The following NXT2 variants were observed in gnomAD, a reference collection of about 807,000 sequenced individuals.
NXT2 encodes nuclear transport factor 2 like export factor 2.
NXT2 carries 1 observed loss-of-function variant against 9.6 expected under a neutral mutation model. That is an observed-to-expected ratio of 0.10 (90% confidence interval 0.04 to 0.49). The LOEUF is 0.49. NXT2 is among the 20% of genes least tolerant of loss of function. NXT2 has a pLI of 0.95. For missense variants in NXT2, 48 were observed against 100.3 expected (o/e 0.48, Z 2.23); for synonymous variants, 22 against 35.4 (o/e 0.62, Z 1.34).
At position 109,538,075 on chromosome X, in the gene NXT2, A is replaced by G; in HGVS notation, c.46A>G (p.Arg16Gly). The change falls in exon 2 of 4, where the codon AGA becomes GGA. Residue 16 changes from arginine to glycine, a missense_variant. Physicochemically the swap from Arg to Gly is moderately radical, Grantham distance 125. Transcript: ENST00000372106. ...DFKTYVDQAC[R>G]AAEEFVNIYY... is the part of the protein sequence containing the mutation. ...TAAAACTTATGTAGATCAGGCATGT[A>G]GAGCTGCTGAGGAGTTTGTCAATAT... is the stretch of plus-strand genomic sequence containing the variant. 7.5e-6 allele frequency: 9 copies of G among 1,201,227 alleles called. No homozygotes were observed. Among genetic ancestry groups the G allele is most frequent in the Non-Finnish European group, 9.0e-6 (8 of 886,176 alleles).
intron 1 of NXT2, 74 bp from the exon 2 acceptor site, chrX:109,537,971 C>A (rs1281021799): frequency 3.7e-5 from 23 of 618,837 alleles, no homozygotes; most frequent in Non-Finnish European, 5.9e-5. Flanking sequence ...AAATCATCAG[C>A]TTCTGTCAGT....
chrX:109,536,633 C>T (rs1419074657), upstream of NXT2: 1 of 241,521 alleles, frequency 4.1e-6, no homozygotes, highest in Non-Finnish European at 7.1e-6. Context: ...AAAAAAGTCC[C>T]TGTAATTGAA....
upstream of NXT2, chrX:109,536,708 T>G (rs1933281296): frequency 2.3e-5 from 12 of 518,780 alleles, no homozygotes; most frequent in Non-Finnish European, 3.1e-5. Flanking sequence ...CTGTTGAGTA[T>G]CATGTTTACA....
At chrX:109,538,752 C>T (rs1933345448) in intron 2 of NXT2, among the ~76,000 whole-genome samples, 1 of 111,356 alleles carries the variant, frequency 9.0e-6, no homozygotes, top group African/African-American at 3.3e-5. Context: ...TGAGTCTTGC[C>T]TAGGTCTCTT....
At chrX:109,536,470 G>A (rs1399546526), upstream of NXT2, among the ~76,000 whole-genome samples, 1 of 112,606 alleles carries the variant, frequency 8.9e-6, no homozygotes, top group African/African-American at 3.2e-5. Flanking sequence ...CAGTGAGGAT[G>A]ATCCTTCCAG....
At position 109,543,450 on chromosome X, in the gene NXT2, A is replaced by G. The variant is rs1447812749; in HGVS notation, c.*762A>G. On this transcript the variant is annotated 3_prime_UTR_variant, in exon 4 of 4. Transcript: ENST00000372106. ...TTTAACAGGAGAATAGGGAATGAGA[A>G]ATAGAAATCCAAGGCTGAAGCCAAA... 1 of 111,885 alleles carries G rather than the reference A, an allele frequency of 8.9e-6. No individual in the cohort carries two copies. Among genetic ancestry groups the G allele is most frequent in the Non-Finnish European group, 1.9e-5 (1 of 53,006 alleles). 9.2% of individuals were successfully genotyped at this position (111,885 alleles called of 1,213,427 possible).
In NXT2 at chrX:109,541,718, T is replaced by A. The variant is rs2147308639; in HGVS notation, c.247+99T>A. On this transcript the variant is annotated intron_variant, in intron 3 of 3. Transcript: ENST00000372106. ...CGAGAAACTTTTAGTGGTAGAACTA[T>A]TTACTTACTTGAGCAAGTTAAATAT... The A allele has an allele frequency of 4.5e-6, 3 of 664,362 alleles. No individual in the cohort carries two copies. The South Asian group carries it at 1.5e-4, about 34-fold the overall frequency. 54.8% of individuals were successfully genotyped at this position (664,362 alleles called of 1,213,427 possible).
chrX:109,540,785 C>T (rs1330942516), intron 2 of NXT2, among the ~76,000 whole-genome samples: 2 of 111,646 alleles, frequency 1.8e-5, no homozygotes, highest in Non-Finnish European at 3.8e-5. Flanking sequence ...GAACTAAGTA[C>T]ACTAATAGAG....
In NXT2 at chrX:109,543,241, A is replaced by C. The variant is rs1386176209; in HGVS notation, c.*553A>C. On this transcript the variant is annotated 3_prime_UTR_variant, in exon 4 of 4. Transcript: ENST00000372106. ...CAGTGGTCGTTTTTCATTTTAAGTAATTTTTGTTTTGGCATTTTTTTGTGT... is the reference window on the plus strand; with the variant it reads ...CAGTGGTCGTTTTTCATTTTAAGTACTTTTTGTTTTGGCATTTTTTTGTGT... 1 of 112,225 alleles carries C rather than the reference A, an allele frequency of 8.9e-6. No homozygotes were observed. The highest frequency in any genetic ancestry group is 1.9e-5 in the Non-Finnish European group (1 of 53,153). The allele number at this position is 112,225 out of a possible 1,213,427, so 9.2% of individuals were successfully genotyped here. A position where few individuals can be genotyped will look rare whatever the true frequency, so the allele number is the denominator to read the frequency against.
upstream of NXT2, chrX:109,536,128 G>T: frequency 6.9e-6 from 3 of 434,029 alleles, no homozygotes; most frequent in South Asian, 1.3e-4. Flanking sequence ...GTTTGTGACC[G>T]TAGGCAGATT....
chrX:109,539,574 C>T (rs780152866), intron 2 of NXT2, among the ~76,000 whole-genome samples: 5 of 108,614 alleles, frequency 4.6e-5, no homozygotes, highest in South Asian at 4.1e-4. Flanking sequence ...TTCTGACTGG[C>T]GTGAGATGGT....
chrX:109,538,408 A>G (rs1302359206), intron 2 of NXT2, among the ~76,000 whole-genome samples: 1 of 111,824 alleles, frequency 8.9e-6, no homozygotes, highest in East Asian at 2.8e-4. Context: ...GTATGAATTA[A>G]TTAAAATACC....
At chrX:109,536,765 A>G (rs1057403529), upstream of NXT2, 17 of 925,676 alleles carry the variant, frequency 1.8e-5, no homozygotes, top group Non-Finnish European at 2.4e-5. Flanking sequence ...AAACAAGTAG[A>G]TAAGGTGGAT....
At chrX:109,542,481 C>CT in intron 3 of NXT2, 26 bp from the exon 4 acceptor site, 2 of 1,135,129 alleles carry the variant, frequency 1.8e-6, no homozygotes, top group South Asian at 4.3e-5. Flanking sequence ...ATGATGTGTT[C>CT]TCTTTTTTTT....
At chrX:109,539,485 C>T (rs1192190049) in intron 2 of NXT2, among the ~76,000 whole-genome samples, 1 of 109,465 alleles carries the variant, frequency 9.1e-6, no homozygotes. Flanking sequence ...TTTACATTCC[C>T]ACCCACAGTG....
At chrX:109,536,045 G>A, upstream of NXT2, 1 of 825,297 alleles carries the variant, frequency 1.2e-6, no homozygotes, top group Non-Finnish European at 1.8e-6. Context: ...GGGATGAGAG[G>A]TTTTTAAGGG....
Position 109,542,952 on chromosome X carries a change from TAC to T in NXT2, c.*265_*266del. ...TAAACACATGATCTTGGTACTAACA[TAC>T]TCACTGTGAACCCAGCCTATTGCAA... is the stretch of plus-strand genomic sequence containing the variant. On this transcript the variant is annotated 3_prime_UTR_variant, in exon 4 of 4. Coordinates refer to ENST00000372106, the MANE Select transcript of NXT2 (RefSeq NM_001242617.2). 4.8e-6 allele frequency: 1 copy of T among 206,319 alleles called. No homozygotes were observed. Among genetic ancestry groups the T allele is most frequent in the Non-Finnish European group, 8.8e-6 (1 of 113,546 alleles). 17.0% of individuals were successfully genotyped at this position (206,319 alleles called of 1,213,427 possible).
chrX:109,540,896 G>A (rs944459697), intron 2 of NXT2, among the ~76,000 whole-genome samples: 7 of 111,758 alleles, frequency 6.3e-5, no homozygotes, highest in Non-Finnish European at 9.4e-5. Flanking sequence ...AGACCAGCCT[G>A]AGGCAACAGA....
In NXT2 at chrX:109,540,389, G is replaced by A. The variant is rs750776348; in HGVS notation, c.103-1086G>A. 2.9e-3 allele frequency among the ~76,000 whole-genome samples: 317 copies of A among 109,338 alleles called. 3 individuals carry two copies. The highest frequency in any genetic ancestry group is 9.9e-3 in the African/African-American group (297 of 29,907). The allele number at this position is 109,338 out of a possible 115,157, so 94.9% of individuals were successfully genotyped here. The stretch of plus-strand genomic sequence containing the variant: ...GTCACCCAGGTTGGAGTGCAGTGGC[G>A]CGATCTTGGCTAACTGCAACCTCTG... On this transcript the variant is annotated intron_variant, in intron 2 of 3. Transcript: ENST00000372106.
Sources: allele counts gnomAD v4.1 joint callset (sites outside exome capture counted in the v4.1 genomes callset), GRCh38; gene constraint gnomAD v4.1.1; transcripts MANE v1.5; gene names NCBI Gene and HGNC (gene_info 2026-07-23, HGNC 2026-07-21).